Variants in AKAP6 observed in about 807,000 individuals in gnomAD.
AKAP6 encodes the protein A-kinase anchor protein 6.
A neutral mutation model predicts 188.5 loss-of-function variants in AKAP6; 58 were observed. The observed-to-expected ratio is 0.31, with a 90% CI of 0.25 to 0.38. The LOEUF (loss-of-function observed/expected upper bound fraction) is 0.38, where lower values mean the gene tolerates loss of function less well. Ranked by LOEUF, AKAP6 falls within the 10% of genes least tolerant of loss-of-function variation. The pLI, the probability that AKAP6 is intolerant of heterozygous loss-of-function variation, is 1.00. For synonymous variants in AKAP6, 989 were observed against 998.6 expected (o/e 0.99, Z 0.18); for missense variants, 2,710 against 2,740.0 (o/e 0.99, Z 0.24).
At chr14:32,723,650 C>T (rs141431285) in intron 9 of AKAP6, among the ~76,000 whole-genome samples, 108 of 151,268 alleles carry the variant, frequency 7.1e-4, no homozygotes, top group Non-Finnish European at 1.2e-3. Context: ...GCCGTATTTC[C>T]ACAGGGTAAT....
chr14:32,819,702 C>T (rs2034471596), intron 12 of AKAP6, among the ~76,000 whole-genome samples: 2 of 152,116 alleles, frequency 1.3e-5, no homozygotes, highest in Non-Finnish European at 2.9e-5. Flanking sequence ...GTAATCCCAG[C>T]ACTTTGGGAG....
rs1313206327 is a variant in AKAP6 at position 32,822,525 on chromosome 14, T to C, written c.4712T>C (p.Leu1571Pro). Residue 1571 changes from leucine to proline, a missense_variant, in exon 13 of 14, where the codon CTT becomes CCT. By Grantham distance (98) the Leu-to-Pro change is moderately conservative. Around this residue, in one of 2 missense-constraint regions of AKAP6, gnomAD observed 2,473 missense variants for 2,426.1 expected, o/e 1.02. Coordinates refer to ENST00000280979, the MANE Select transcript of AKAP6 (RefSeq NM_004274.5). ...TCTCATAGTTCATCTATTGAGTCCC[T>C]TTCTCCAGGGGGTGATTTATTTGGA... ...LLSHSSSIES[L>P]SPGGDLFGLG... is the part of the protein sequence containing the mutation. The C allele has an allele frequency of 6.2e-7, 1 of 1,614,052 alleles. No individual in the cohort carries two copies. Among genetic ancestry groups the C allele is most frequent in the Non-Finnish European group, 8.5e-7 (1 of 1,179,958 alleles).
intron 7 of AKAP6, among the ~76,000 whole-genome samples, chr14:32,663,412 C>T (rs58369761): frequency 0.024 from 3,671 of 152,038 alleles, 161 homozygotes; most frequent in African/African-American, 0.082. Flanking sequence ...TGGGTGATGT[C>T]AAAAGAAATC....
chr14:32,463,388 A>G (rs1891418249), intron 2 of AKAP6, among the ~76,000 whole-genome samples: 2 of 152,226 alleles, frequency 1.3e-5, no homozygotes, highest in African/African-American at 4.8e-5. Flanking sequence ...AATGGAAATC[A>G]TAACAAACAG....
chr14:32,816,237 A>C (rs1468531605), intron 12 of AKAP6, among the ~76,000 whole-genome samples: 1 of 152,042 alleles, frequency 6.6e-6, no homozygotes, highest in African/African-American at 2.4e-5. Context: ...TGTATTGTCA[A>C]GCTGGTGTGC....
At chr14:32,662,022 T>C (rs77996287) in intron 7 of AKAP6, among the ~76,000 whole-genome samples, 1,884 of 152,148 alleles carry the variant, frequency 0.012, 37 homozygotes, top group African/African-American at 0.04. Flanking sequence ...TCTAGGTACC[T>C]AGTGAACAGT....
In AKAP6 at chr14:32,823,190, T is replaced by C. The variant is rs1161594120; in HGVS notation, c.5377T>C (p.Ser1793Pro). 1 of 1,613,648 alleles carries C rather than the reference T, an allele frequency of 6.2e-7. No homozygotes were observed. The highest frequency in any genetic ancestry group is 1.3e-5 in the African/African-American group (1 of 74,854). ...DEIYEDCTLMSGLDYIKNELQ... is the reference protein window; with the variant it reads ...DEIYEDCTLMPGLDYIKNELQ... The stretch of plus-strand genomic sequence containing the variant: ...AATTTATGAAGACTGCACCTTGATG[T>C]CAGGGCTAGACTACATAAAGAATGA... Residue 1793 changes from serine (S) to proline (P), a missense_variant, in exon 13 of 14, where the codon TCA becomes CCA. Coordinates refer to ENST00000280979, the MANE Select transcript of AKAP6 (RefSeq NM_004274.5).
intron 2 of AKAP6, among the ~76,000 whole-genome samples, chr14:32,493,073 G>T (rs1880120445): frequency 6.6e-6 from 1 of 152,196 alleles, no homozygotes; most frequent in South Asian, 2.1e-4. Flanking sequence ...GTAACTGTTT[G>T]TCAGAGAAGG....
chr14:32,745,338 T>G (rs976497153), intron 11 of AKAP6, among the ~76,000 whole-genome samples: 1 of 152,204 alleles, frequency 6.6e-6, no homozygotes, highest in African/African-American at 2.4e-5. Flanking sequence ...AATGCTGTAG[T>G]TCTTGCAGAC....
intron 1 of AKAP6, among the ~76,000 whole-genome samples, chr14:32,429,509 T>C (rs991733923): frequency 2.6e-5 from 4 of 152,216 alleles, no homozygotes; most frequent in African/African-American, 9.6e-5. Context: ...TGACCATCCA[T>C]ATATGCTACA....
intron 1 of AKAP6, among the ~76,000 whole-genome samples, chr14:32,386,223 G>A (rs1373387682): frequency 1.3e-5 from 2 of 151,940 alleles, no homozygotes; most frequent in Admixed American, 1.3e-4. Context: ...ATTCCCACCA[G>A]CAGTGTAGAA....
At chr14:32,380,323 A>G (rs1226818397) in intron 1 of AKAP6, among the ~76,000 whole-genome samples, 1 of 152,212 alleles carries the variant, frequency 6.6e-6, no homozygotes, top group Non-Finnish European at 1.5e-5. Flanking sequence ...TACTTGTAGT[A>G]CATGATCGAG....
In AKAP6 at chr14:32,822,134, G is replaced by A. The variant is rs371006740; in HGVS notation, c.4321G>A (p.Gly1441Arg). Residue 1441 changes from glycine (G) to arginine (R), a missense_variant, in exon 13 of 14, where the codon GGA (glycine) becomes AGA (arginine). Around this residue, in one of 2 missense-constraint regions of AKAP6, gnomAD observed 2,473 missense variants for 2,426.1 expected, o/e 1.02. Coordinates refer to ENST00000280979, the MANE Select transcript of AKAP6 (RefSeq NM_004274.5). ...SPVGCVNGKV[G>R]DLNSITKHTP... ...AGTGGGTTGTGTAAATGGAAAAGTT[G>A]GAGATTTAAACAGTATTACCAAACA... 1.9e-6 allele frequency: 3 copies of A among 1,613,724 alleles called. No individual in the cohort carries two copies. The highest frequency in any genetic ancestry group is 2.7e-5 in the African/African-American group (2 of 74,874).
intron 2 of AKAP6, among the ~76,000 whole-genome samples, chr14:32,522,137 T>G (rs1413094134): frequency 6.6e-6 from 1 of 152,186 alleles, no homozygotes; most frequent in Non-Finnish European, 1.5e-5. Context: ...GCTAGCTATA[T>G]GTAGAAATCT....
At chr14:32,692,866 C>T (rs1401388548) in intron 8 of AKAP6, among the ~76,000 whole-genome samples, 1 of 152,082 alleles carries the variant, frequency 6.6e-6, no homozygotes, top group Non-Finnish European at 1.5e-5. Flanking sequence ...TTATGAGGCA[C>T]CCTACACTCA....
intron 12 of AKAP6, among the ~76,000 whole-genome samples, chr14:32,800,196 A>G (rs1461899673): frequency 6.8e-6 from 1 of 147,754 alleles, no homozygotes; most frequent in Admixed American, 6.8e-5. Flanking sequence ...ACACATATAT[A>G]TACATATATA....
At chr14:32,413,371 A>G (rs76593484) in intron 1 of AKAP6, among the ~76,000 whole-genome samples, 2 of 151,724 alleles carry the variant, frequency 1.3e-5, no homozygotes, top group Non-Finnish European at 2.9e-5. Flanking sequence ...GTTTGTAGCA[A>G]TGGGTCTCAT....
rs143101473 is a variant in AKAP6 at position 32,824,379 on chromosome 14, T to C, written c.6566T>C (p.Leu2189Pro). 3.7e-6 allele frequency: 6 copies of C among 1,613,820 alleles called. No homozygotes were observed. Among genetic ancestry groups the C allele is most frequent in the Non-Finnish European group, 5.1e-6 (6 of 1,179,966 alleles). Residue 2189 changes from leucine to proline, a missense_variant, in exon 13 of 14, where the codon CTA becomes CCA. Leu to Pro is a moderately conservative substitution (Grantham distance 98, BLOSUM62 -3). Coordinates refer to ENST00000280979, the MANE Select transcript of AKAP6 (RefSeq NM_004274.5). The stretch of plus-strand genomic sequence containing the variant: ...GTTCCCAGCGAAGCTGCAATGCCAC[T>C]ACAAGCAACAGCATGTTCTTCTGAG... Reference protein sequence around the residue: ...SAVPSEAAMPLQATACSSEFS... With the variant: ...SAVPSEAAMPPQATACSSEFS...
intron 4 of AKAP6, among the ~76,000 whole-genome samples, chr14:32,551,393 G>A (rs949058524): frequency 3.3e-5 from 5 of 151,808 alleles, no homozygotes; most frequent in Non-Finnish European, 7.4e-5. Context: ...CCAACATGGT[G>A]AAACCCCATC....
Sources: gnomAD v4.1 joint callset for allele counts (sites outside exome capture counted in the v4.1 genomes callset) on GRCh38, gnomAD v4.1.1 for gene constraint, gnomAD v4.1.1 regional missense constraint, MANE v1.5 for transcripts, NCBI Gene and HGNC (gene_info 2026-07-23, HGNC 2026-07-21) for gene names.